The following DHRSX variants were observed in gnomAD, a reference collection of about 807,000 sequenced individuals.
DHRSX encodes dehydrogenase/reductase X-linked.
A neutral mutation model predicts 34.0 loss-of-function variants in DHRSX; 31 were observed. The ratio of observed to expected loss-of-function variants is 0.91; its 90% CI spans 0.69 to 1.23. The LOEUF (loss-of-function observed/expected upper bound fraction) is 1.23. DHRSX is among the 50% of genes most tolerant of loss of function. The probability of loss-of-function intolerance (pLI) is 0.00; values close to 1 mark genes in which losing one functional copy is unlikely to be tolerated. For synonymous variants in DHRSX, 201 were observed against 183.8 expected (o/e 1.09, Z -0.76); for missense variants, 414 against 428.1 (o/e 0.97, Z 0.29).
chrX:2,300,212 A>G (rs2041994678), intron 3 of DHRSX, among the ~76,000 whole-genome samples: 1 of 152,122 alleles, frequency 6.6e-6, no homozygotes, highest in East Asian at 1.9e-4. Context: ...TCTTTGCAAT[A>G]GATATAGGAC....
At chrX:2,252,525 T>C (rs942515861) in intron 5 of DHRSX, among the ~76,000 whole-genome samples, 1 of 152,144 alleles carries the variant, frequency 6.6e-6, no homozygotes, top group African/African-American at 2.4e-5. Flanking sequence ...ATCTCCAGCA[T>C]TTGATTGATG....
intron 4 of DHRSX, among the ~76,000 whole-genome samples, chrX:2,282,974 AAG>A (rs903661140): frequency 3.3e-5 from 5 of 151,332 alleles, no homozygotes; most frequent in African/African-American, 9.7e-5. Flanking sequence ...GAAAAAGCAA[AAG>A]AGAGGAAAAG....
At position 2,242,970 on chromosome X, in the gene DHRSX, T is replaced by G. The variant is rs2016175253; in HGVS notation, c.804+53A>C. The G allele has an allele frequency of 1.9e-6, 3 of 1,567,810 alleles. No individual in the cohort carries two copies. The Admixed American group carries it at 5.3e-5, about 28-fold the overall frequency. ...TGGGGTCTGGACTGGGGACCCCCTT[T>G]CCTGTAGCATCTTCAGGTGCAGCCG... On this transcript the variant is annotated intron_variant, in intron 6 of 6. Coordinates refer to ENST00000334651, the MANE Select transcript of DHRSX (RefSeq NM_145177.3).
At chrX:2,294,271 C>T (rs1456166018) in intron 3 of DHRSX, among the ~76,000 whole-genome samples, 2 of 151,976 alleles carry the variant, frequency 1.3e-5, no homozygotes, top group African/African-American at 4.8e-5. Flanking sequence ...AGGCCGGGCA[C>T]GATGGCTCAT....
At chrX:2,368,653 C>T (rs1287318501) in intron 3 of DHRSX, among the ~76,000 whole-genome samples, 1 of 152,114 alleles carries the variant, frequency 6.6e-6, no homozygotes, top group Non-Finnish European at 1.5e-5. Context: ...AGTTCAAGAC[C>T]AGCCTGGCCA....
chrX:2,460,598 T>TTTTTTTTTG (rs1420227573), intron 1 of DHRSX, among the ~76,000 whole-genome samples: 3 of 149,940 alleles, frequency 2.0e-5, no homozygotes, highest in African/African-American at 2.5e-5. Flanking sequence ...TTTTTTTTTT[T>TTTTTTTTTG]AGAGACAGCA....
At chrX:2,421,461 C>T (rs1363070253) in intron 2 of DHRSX, among the ~76,000 whole-genome samples, 1 of 152,132 alleles carries the variant, frequency 6.6e-6, no homozygotes, top group Non-Finnish European at 1.5e-5. Context: ...CAAAAAGGCT[C>T]AAACTTAAGT....
intron 3 of DHRSX, among the ~76,000 whole-genome samples, chrX:2,382,919 C>G (rs1257880418): frequency 6.6e-6 from 1 of 151,586 alleles, no homozygotes; most frequent in Non-Finnish European, 1.5e-5. Context: ...TTAGCAGCAG[C>G]AGCAGCATGA....
chrX:2,440,256 AG>A (rs1337956209), intron 1 of DHRSX, among the ~76,000 whole-genome samples: 3 of 151,890 alleles, frequency 2.0e-5, no homozygotes, highest in Non-Finnish European at 4.4e-5. Flanking sequence ...GCTGGAGTGC[AG>A]TGGGGCAATC....
intron 1 of DHRSX, among the ~76,000 whole-genome samples, chrX:2,464,203 C>T (rs2044446823): frequency 1.2e-5 from 1 of 86,282 alleles, no homozygotes; most frequent in African/African-American, 1.3e-4. Flanking sequence ...GGCTAAGGGA[C>T]CGCCGTGTAC....
At chrX:2,381,489 G>A (rs2043202073) in intron 3 of DHRSX, among the ~76,000 whole-genome samples, 1 of 151,930 alleles carries the variant, frequency 6.6e-6, no homozygotes, top group Non-Finnish European at 1.5e-5. Flanking sequence ...GGGCATGGTG[G>A]CGCATGCCTG....
At chrX:2,406,822 G>A (rs1234407505) in intron 3 of DHRSX, among the ~76,000 whole-genome samples, 1 of 152,182 alleles carries the variant, frequency 6.6e-6, no homozygotes, top group African/African-American at 2.4e-5. Flanking sequence ...TGGTGGGAAT[G>A]TCAATTAGTA....
intron 1 of DHRSX, among the ~76,000 whole-genome samples, chrX:2,481,062 G>A (rs1298953259): frequency 6.6e-6 from 1 of 152,082 alleles, no homozygotes; most frequent in Admixed American, 6.6e-5. Flanking sequence ...ATGTTAATGT[G>A]TTAATTAGCT....
intron 1 of DHRSX, among the ~76,000 whole-genome samples, chrX:2,460,182 C>T (rs2044383309): frequency 6.6e-6 from 1 of 152,216 alleles, no homozygotes. Flanking sequence ...AGTGAGCACA[C>T]GAGGTCCTCT....
intron 3 of DHRSX, among the ~76,000 whole-genome samples, chrX:2,396,602 T>C (rs962279889): frequency 1.3e-5 from 2 of 151,814 alleles, no homozygotes; most frequent in Admixed American, 1.3e-4. Flanking sequence ...GGTCTCGAAC[T>C]CCTGGCCTCA....
intron 3 of DHRSX, among the ~76,000 whole-genome samples, chrX:2,296,436 CA>C (rs1156924197): frequency 6.6e-6 from 1 of 151,978 alleles, no homozygotes; most frequent in African/African-American, 2.4e-5. Context: ...TGTCCTCAGA[CA>C]AAAAGGAAAT....
At chrX:2,382,517 CACCATCATCACT>C (rs1465070566) in intron 3 of DHRSX, among the ~76,000 whole-genome samples, 1 of 128,976 alleles carries the variant, frequency 7.8e-6, no homozygotes, top group Non-Finnish European at 1.7e-5. Context: ...TCACCATCAC[CACCATCATCACT>C]ACCATCATCA....
chrX:2,331,730 G>A (rs1239613133), intron 3 of DHRSX, among the ~76,000 whole-genome samples: 17 of 152,082 alleles, frequency 1.1e-4, no homozygotes, highest in Middle Eastern at 3.4e-3. Flanking sequence ...GATTACAGGC[G>A]TGAGCCACCA....
intron 2 of DHRSX, among the ~76,000 whole-genome samples, chrX:2,415,704 T>G (rs2043684547): frequency 6.6e-6 from 1 of 150,602 alleles, no homozygotes; most frequent in African/African-American, 2.4e-5. Flanking sequence ...CATGACTGAA[T>G]ATGACTAGAT....
Sources: allele counts gnomAD v4.1 joint callset (sites outside exome capture counted in the v4.1 genomes callset), GRCh38; gene constraint gnomAD v4.1.1; transcripts MANE v1.5; gene names NCBI Gene and HGNC (gene_info 2026-07-23, HGNC 2026-07-21).